The following ADGRL2 variants were observed in gnomAD, a reference collection of about 807,000 sequenced individuals.
ADGRL2 encodes the protein adhesion G protein-coupled receptor L2, also known as calcium-independent alpha-latrotoxin receptor 2.
A neutral mutation model predicts 157.4 loss-of-function variants in ADGRL2; 44 were observed. The ratio of observed to expected loss-of-function variants is 0.28; its 90% CI spans 0.22 to 0.36. The LOEUF (loss-of-function observed/expected upper bound fraction) is 0.36. Ranked by LOEUF, ADGRL2 falls within the 10% of genes least tolerant of loss-of-function variation. ADGRL2 has a pLI of 1.00. For missense variants in ADGRL2, 1,510 were observed against 1,768.9 expected, an observed-to-expected ratio of 0.85 and a Z score of 2.63; for synonymous variants, 585 against 624.7, an observed-to-expected ratio of 0.94 and a Z score of 0.95.
chr1:81,799,596 C>A (rs2087778421), upstream of ADGRL2, among the ~76,000 whole-genome samples: 2 of 152,240 alleles, frequency 1.3e-5, no homozygotes, highest in Middle Eastern at 3.4e-3. Context: ...TATTTAGGAT[C>A]TTCATGTATT....
At chr1:81,309,902 T>G (rs146412595) in intron 1 of ADGRL2, among the ~76,000 whole-genome samples, 139 of 152,288 alleles carry the variant, frequency 9.1e-4, no homozygotes, top group Non-Finnish European at 1.6e-3. Flanking sequence ...ACCTGAGGCT[T>G]TATCTAACTA....
At chr1:81,803,261 C>T (rs1354995963) in intron 1 of ADGRL2, among the ~76,000 whole-genome samples, 6 of 151,842 alleles carry the variant, frequency 4.0e-5, no homozygotes, top group Non-Finnish European at 8.8e-5. Context: ...GCAGAGGGGG[C>T]GAGGGCGAGC....
chr1:81,745,195 G>T (rs1392173585), intron 1 of ADGRL2, among the ~76,000 whole-genome samples: 1 of 152,168 alleles, frequency 6.6e-6, no homozygotes, highest in Non-Finnish European at 1.5e-5. Context: ...AGGAAGAAAA[G>T]ACTTAATAAT....
At position 81,613,020 on chromosome 1, in the gene ADGRL2, T is replaced by G. The variant is rs905483829; in HGVS notation, c.-143+32040T>G. 2.6e-5 allele frequency among the ~76,000 whole-genome samples: 4 copies of G among 152,210 alleles called. No individual in the cohort carries two copies. In the South Asian group the frequency reaches 8.3e-4, roughly 32 times the overall value. Reference sequence around the variant, plus strand: ...ACATGGTCCCTGTCCTCAAAGAGACTGCATAAATAGGGAAGAGACAAGGAA... The same window carrying G: ...ACATGGTCCCTGTCCTCAAAGAGACGGCATAAATAGGGAAGAGACAAGGAA... On this transcript the variant is annotated intron_variant, in intron 3 of 24. Transcript: ENST00000370721.
intron 1 of ADGRL2, among the ~76,000 whole-genome samples, chr1:81,309,001 T>C (rs1166518250): frequency 2.0e-5 from 3 of 152,156 alleles, no homozygotes; most frequent in Non-Finnish European, 2.9e-5. Context: ...ACCTGGCTCT[T>C]TGCTGCTGCT....
intron 3 of ADGRL2, among the ~76,000 whole-genome samples, chr1:81,587,079 C>G (rs2081042803): frequency 6.6e-6 from 1 of 152,052 alleles, no homozygotes; most frequent in African/African-American, 2.4e-5. Context: ...ATCAACTTGT[C>G]AGACTGCGAA....
At chr1:81,596,157 A>T (rs2081229291) in intron 3 of ADGRL2, 1 of 473,678 alleles carries the variant, frequency 2.1e-6, no homozygotes, top group South Asian at 1.8e-5. Context: ...TGACTTAAGC[A>T]TCCGCAATGG....
At chr1:81,592,570 T>G (rs2081153372) in intron 3 of ADGRL2, among the ~76,000 whole-genome samples, 1 of 152,172 alleles carries the variant, frequency 6.6e-6, no homozygotes, top group South Asian at 2.1e-4. Context: ...CAACTTGACT[T>G]GGGATCTCTA....
At chr1:81,765,073 A>G (rs77706956) in intron 2 of ADGRL2, among the ~76,000 whole-genome samples, 21,628 of 151,952 alleles carry the variant, frequency 0.14, 1,807 homozygotes, top group South Asian at 0.21. Context: ...GTACCAAAAA[A>G]TTTAACCTTA....
chr1:81,903,789 T>G (rs2094533454), intron 2 of ADGRL2, among the ~76,000 whole-genome samples: 1 of 139,150 alleles, frequency 7.2e-6, no homozygotes, highest in South Asian at 2.3e-4. Flanking sequence ...ATATACACAT[T>G]ATATATATAT....
chr1:81,856,447 C>T (rs2093206256), intron 2 of ADGRL2, among the ~76,000 whole-genome samples: 2 of 152,046 alleles, frequency 1.3e-5, no homozygotes. Context: ...GGACTGATTG[C>T]CCTTGAGTCA....
intron 2 of ADGRL2, among the ~76,000 whole-genome samples, chr1:81,550,239 C>T (rs2080114026): frequency 6.6e-6 from 1 of 152,128 alleles, no homozygotes; most frequent in African/African-American, 2.4e-5. Context: ...AATGCCCTTA[C>T]TTTTGTATAA....
At chr1:81,512,714 G>A (rs74095568) in intron 2 of ADGRL2, among the ~76,000 whole-genome samples, 5,605 of 152,156 alleles carry the variant, frequency 0.037, 359 homozygotes, top group African/African-American at 0.13. Context: ...CCTTTTCTGT[G>A]AGTACATATC....
chr1:81,839,609 A>G (rs1347311380), intron 2 of ADGRL2, among the ~76,000 whole-genome samples: 3 of 151,650 alleles, frequency 2.0e-5, no homozygotes, highest in Non-Finnish European at 4.4e-5. Flanking sequence ...TAGCTCCTAC[A>G]TATCAGTGAG....
chr1:81,498,187 AAT>A (rs1288772519), intron 2 of ADGRL2, among the ~76,000 whole-genome samples: 5 of 152,218 alleles, frequency 3.3e-5, no homozygotes, highest in Non-Finnish European at 7.3e-5. Flanking sequence ...TCTCAGAACA[AAT>A]GTCTGCAAAA....
Position 81,721,704 on chromosome 1 carries a change from G to A in ADGRL2, c.-143+21896G>A, listed in dbSNP as rs2084328774. On this transcript the variant is annotated intron_variant, in intron 1 of 20. Coordinates refer to the ADGRL2 transcript ENST00000359929. ...ACTGCTTCCTGACCATGGACCCCCC[G>A]CAAAGTGAACGAGCAGGCCCTTGTG... 7 of 1,366,406 alleles carry A rather than the reference G, an allele frequency of 5.1e-6. No individual in the cohort carries two copies. In the Admixed American group the frequency reaches 6.8e-5, roughly 13 times the overall value. 84.6% of individuals were successfully genotyped at this position (1,366,406 alleles called of 1,614,324 possible). A position where few individuals can be genotyped will look rare whatever the true frequency, so the allele number is the denominator to read the frequency against.
chr1:81,847,332 T>G (rs2092831860), intron 2 of ADGRL2, among the ~76,000 whole-genome samples: 1 of 151,962 alleles, frequency 6.6e-6, no homozygotes, highest in Non-Finnish European at 1.5e-5. Flanking sequence ...TGAGTCTGCA[T>G]TTCTAATAAG....
intron 2 of ADGRL2, among the ~76,000 whole-genome samples, chr1:81,773,898 C>T (rs1018465511): frequency 2.0e-5 from 3 of 152,098 alleles, no homozygotes; most frequent in African/African-American, 2.4e-5. Flanking sequence ...ATGAGGTCAT[C>T]GGGGTGGCCC....
chr1:81,512,772 G>A (rs2079103099), intron 2 of ADGRL2, among the ~76,000 whole-genome samples: 1 of 152,038 alleles, frequency 6.6e-6, no homozygotes, highest in African/African-American at 2.4e-5. Context: ...CTGTTTTGTA[G>A]CAACTCAATA....
Sources: allele counts gnomAD v4.1 joint callset (sites outside exome capture counted in the v4.1 genomes callset), GRCh38; gene constraint gnomAD v4.1.1; transcripts MANE v1.5; gene names NCBI Gene and HGNC (gene_info 2026-07-23, HGNC 2026-07-21).